Variants in ABCC1 observed in about 807,000 individuals in gnomAD.
ABCC1 encodes the protein ATP binding cassette subfamily C member 1 (ABCC1 blood group).
Under a neutral mutation model 172.9 loss-of-function variants are expected in ABCC1, and 83 were observed. The observed-to-expected ratio is 0.48, with a 90% CI of 0.40 to 0.58. The LOEUF (loss-of-function observed/expected upper bound fraction) is 0.58. Ranked by LOEUF, ABCC1 falls within the 20% of genes least tolerant of loss-of-function variation. The pLI is 0.00. For synonymous variants in ABCC1, 937 were observed against 825.2 expected, an observed-to-expected ratio of 1.14 and a Z score of -2.32; for missense variants, 1,817 against 2,002.7, an observed-to-expected ratio of 0.91 and a Z score of 1.77.
intron 12 of ABCC1, among the ~76,000 whole-genome samples, chr16:16,061,635 C>T (rs557039651): frequency 1.3e-5 from 2 of 152,282 alleles, no homozygotes; most frequent in Admixed American, 1.3e-4. Flanking sequence ...CCAGAGTCCA[C>T]GTCTGTATCA....
chr16:15,999,895 G>A (rs112952843), intron 1 of ABCC1, among the ~76,000 whole-genome samples: 9,826 of 70,012 alleles, frequency 0.14, 648 homozygotes, highest in African/African-American at 0.16. Flanking sequence ...TCGCTTTGTC[G>A]CCAGGCTGGA....
At chr16:16,103,258 G>A (rs189417012) in intron 20 of ABCC1, among the ~76,000 whole-genome samples, 1 of 152,118 alleles carries the variant, frequency 6.6e-6, no homozygotes, top group Non-Finnish European at 1.5e-5. Flanking sequence ...AGCGTATGCA[G>A]TATATTAACC....
intron 16 of ABCC1, among the ~76,000 whole-genome samples, chr16:16,081,617 T>A (rs543579057): frequency 1.2e-4 from 18 of 152,324 alleles, no homozygotes; most frequent in African/African-American, 4.3e-4. Flanking sequence ...TTTGGCTTTT[T>A]AAAAGTTAGG....
chr16:16,073,581 A>T (rs1281601719), intron 14 of ABCC1, among the ~76,000 whole-genome samples: 1 of 152,154 alleles, frequency 6.6e-6, no homozygotes, highest in Admixed American at 6.5e-5. Context: ...TGGGTAATGT[A>T]GTGAGACCTC....
intron 1 of ABCC1, among the ~76,000 whole-genome samples, chr16:15,975,797 C>G (rs1337024144): frequency 6.6e-6 from 1 of 151,956 alleles, no homozygotes; most frequent in African/African-American, 2.4e-5. Context: ...CTCAGGTGAT[C>G]TGCCCGCCTC....
chr16:16,007,402 T>G (rs1277211897), intron 1 of ABCC1, among the ~76,000 whole-genome samples: 8 of 152,074 alleles, frequency 5.3e-5, no homozygotes, highest in Admixed American at 2.6e-4. Context: ...TTTTTGTGTT[T>G]TTCATAGAGG....
intron 16 of ABCC1, 144 bp downstream of exon 16, chr16:16,079,622 C>T: frequency 2.7e-6 from 3 of 1,092,390 alleles, no homozygotes; most frequent in Non-Finnish European, 3.8e-6. Context: ...TGTATCTTTC[C>T]ACTGTCTCTT....
At chr16:16,111,189 G>A (rs1411896052) in intron 21 of ABCC1, among the ~76,000 whole-genome samples, 186 bp from the exon 22 acceptor site, 1 of 152,194 alleles carries the variant, frequency 6.6e-6, no homozygotes, top group Non-Finnish European at 1.5e-5. Context: ...GTGAGCCACG[G>A]CGCCTGGCCC....
chr16:16,064,126 A>AT (rs2050023866), intron 12 of ABCC1, among the ~76,000 whole-genome samples: 1 of 152,150 alleles, frequency 6.6e-6, no homozygotes, highest in Admixed American at 6.5e-5. Flanking sequence ...GGGCATCAGG[A>AT]TTTTTAGGGA....
intron 5 of ABCC1, among the ~76,000 whole-genome samples, chr16:16,017,898 A>AG (rs935213525): frequency 2.6e-5 from 4 of 152,042 alleles, no homozygotes; most frequent in Non-Finnish European, 5.9e-5. Context: ...AATAAGTACA[A>AG]GGGCCCTGGG....
intron 12 of ABCC1, among the ~76,000 whole-genome samples, chr16:16,057,569 A>G (rs1045532836): frequency 1.3e-5 from 2 of 152,042 alleles, no homozygotes; most frequent in Admixed American, 1.3e-4. Context: ...TATAAAATGA[A>G]AAGTATATTG....
At chr16:16,125,970 A>C in intron 26 of ABCC1, 59 bp downstream of exon 26, 2 of 1,328,604 alleles carry the variant, frequency 1.5e-6, no homozygotes, top group Non-Finnish European at 2.1e-6. Flanking sequence ...CCCCAAGGAG[A>C]TCTCTGGACC....
In ABCC1 at chr16:16,141,456, G is replaced by A; in HGVS notation, c.*175G>A. ...GCCACCGCCATCCGGTCCCCTGCCT[G>A]GAACTGGCTGTGAAGACCCAGGAGA... is the stretch of plus-strand genomic sequence containing the variant. On this transcript the variant is annotated 3_prime_UTR_variant, in exon 31 of 31. Transcript: ENST00000399410. 1.6e-6 allele frequency: 1 copy of A among 614,820 alleles called. No individual in the cohort carries two copies. Among genetic ancestry groups the A allele is most frequent in the Non-Finnish European group, 2.8e-6 (1 of 351,198 alleles). The allele number at this position is 614,820 out of a possible 1,614,324, so 38.1% of individuals were successfully genotyped here.
Position 16,133,133 on chromosome 16 carries a change from C to T in ABCC1, c.3966+1198C>T, listed in dbSNP as rs45505897. Among the ~76,000 whole-genome samples, 678 of 152,228 alleles carry T rather than the reference C, an allele frequency of 4.5e-3. 5 individuals carry two copies. Among genetic ancestry groups the T allele is most frequent in the African/African-American group, 0.015 (640 of 41,538 alleles). On this transcript the variant is annotated intron_variant, in intron 27 of 30. Transcript: ENST00000399410. ...GAATTTTGGAACCTTCTCTTGGTTC[C>T]GAGCTGTTCTTGGAAGAGGTTCCTT...
At chr16:16,126,465 C>T (rs145716266) in intron 26 of ABCC1, among the ~76,000 whole-genome samples, 1,621 of 152,262 alleles carry the variant, frequency 0.011, 20 homozygotes, top group Admixed American at 0.02. Flanking sequence ...CTCACTGCAA[C>T]CTCCTCCTCC....
chr16:15,996,304 T>C (rs542660277), intron 1 of ABCC1, among the ~76,000 whole-genome samples: 1 of 152,232 alleles, frequency 6.6e-6, no homozygotes, highest in South Asian at 2.1e-4. Flanking sequence ...TAAATTTTTT[T>C]GTAGAGATAC....
At chr16:16,089,880 CAAA>C (rs5815856) in intron 18 of ABCC1, among the ~76,000 whole-genome samples, 5 of 104,322 alleles carry the variant, frequency 4.8e-5, no homozygotes, top group African/African-American at 9.9e-5. Context: ...AACTCTGTCT[CAAA>C]AAAAAAAAAA....
chr16:15,974,516 C>T (rs2151552902), intron 1 of ABCC1, among the ~76,000 whole-genome samples: 1 of 152,226 alleles, frequency 6.6e-6, no homozygotes, highest in East Asian at 1.9e-4. Context: ...CTTCTTAATT[C>T]TGGAAACTTA....
At chr16:15,996,942 C>G (rs1436969803) in intron 1 of ABCC1, among the ~76,000 whole-genome samples, 2 of 152,142 alleles carry the variant, frequency 1.3e-5, no homozygotes, top group African/African-American at 4.8e-5. Flanking sequence ...ACACAAAGGT[C>G]AGGGGCCACT....
Sources: gnomAD v4.1 joint callset for allele counts (sites outside exome capture counted in the v4.1 genomes callset) on GRCh38, gnomAD v4.1.1 for gene constraint, MANE v1.5 for transcripts, NCBI Gene and HGNC (gene_info 2026-07-23, HGNC 2026-07-21) for gene names.